ZMAT3: variants seen among roughly 807,000 people sequenced by gnomAD.
ZMAT3 encodes zinc finger matrin-type protein 3.
A neutral mutation model predicts 32.3 loss-of-function variants in ZMAT3; 17 were observed. The ratio of observed to expected loss-of-function variants is 0.53; its 90% confidence interval spans 0.36 to 0.79. The LOEUF (loss-of-function observed/expected upper bound fraction) is 0.79, where lower values mean the gene tolerates loss of function less well. Ranked by LOEUF, ZMAT3 falls within the 30% of genes least tolerant of loss-of-function variation. The pLI is 0.00. For missense variants in ZMAT3, 329 were observed against 359.7 expected (o/e 0.91, Z 0.69); for synonymous variants, 120 against 133.1 (o/e 0.90, Z 0.68).
intron 5 of ZMAT3, among the ~76,000 whole-genome samples, chr3:179,026,378 G>GTT (rs1303817106): frequency 8.9e-6 from 1 of 112,764 alleles, no homozygotes. Context: ...AATGAATTGT[G>GTT]CTTTTTTTTT....
intron 2 of ZMAT3, among the ~76,000 whole-genome samples, chr3:179,065,703 G>A (rs1235225875): frequency 3.9e-5 from 6 of 152,050 alleles, no homozygotes; most frequent in Admixed American, 2.0e-4. Context: ...AGCGCTTTGG[G>A]AGGCTGAATC....
At chr3:179,053,813 A>G (rs900550219) in intron 2 of ZMAT3, among the ~76,000 whole-genome samples, 3 of 152,236 alleles carry the variant, frequency 2.0e-5, no homozygotes, top group Admixed American at 1.3e-4. Flanking sequence ...GCAAGATGAT[A>G]AAAAGCAAAG....
chr3:179,040,547 C>A (rs1719861366), intron 2 of ZMAT3, among the ~76,000 whole-genome samples: 1 of 151,712 alleles, frequency 6.6e-6, no homozygotes, highest in African/African-American at 2.4e-5. Context: ...GATTTTGTCA[C>A]CACCAGGCCT....
Position 179,030,990 on chromosome 3 carries a change from G to C in ZMAT3, c.280C>G (p.His94Asp), listed in dbSNP as rs1356483004. 1 of 1,612,896 alleles carries C rather than the reference G, an allele frequency of 6.2e-7. No individual in the cohort carries two copies. Among genetic ancestry groups the C allele is most frequent in the African/African-American group, 1.3e-5 (1 of 74,842 alleles). Residue 94 changes from histidine (H) to aspartate (D), a missense_variant, in exon 3 of 6, where the codon CAT (histidine) becomes GAT (aspartate). By Grantham distance (81) the His-to-Asp change is moderately conservative (BLOSUM62 -1). Coordinates refer to ENST00000311417, the MANE Select transcript of ZMAT3 (RefSeq NM_022470.4). ...TAGTAATTTCGGAGTTTCTTACCAT[G>C]ATTTTTACCCTAGAAATAAAAATAA... The part of the protein sequence containing the change: ...QAQAHYQGKN[H>D]GKKLRNYYAA...
intron 1 of ZMAT3, 65 bp from the exon 2 acceptor site, chr3:179,067,874 A>G (rs1721504251): frequency 1.4e-6 from 2 of 1,400,932 alleles, no homozygotes; most frequent in African/African-American, 2.9e-5. Context: ...GCAAGATAAC[A>G]TGTAAATGAC....
intron 2 of ZMAT3, among the ~76,000 whole-genome samples, chr3:179,047,859 A>G (rs1288676169): frequency 2.0e-5 from 3 of 149,522 alleles, no homozygotes; most frequent in Non-Finnish European, 3.0e-5. Context: ...ACTCAGTCTC[A>G]AAAAAAAAAG....
intron 2 of ZMAT3, among the ~76,000 whole-genome samples, chr3:179,032,126 C>T (rs1719275132): frequency 1.3e-5 from 2 of 149,062 alleles, no homozygotes; most frequent in Admixed American, 6.7e-5. Flanking sequence ...CCTCAGCCTG[C>T]CGAGTGCCTG....
At chr3:179,051,100 C>T (rs1215953884) in intron 2 of ZMAT3, among the ~76,000 whole-genome samples, 1 of 152,122 alleles carries the variant, frequency 6.6e-6, no homozygotes, top group African/African-American at 2.4e-5. Flanking sequence ...CCACTTTCAC[C>T]ACTTCTATTC....
rs1721731188 is a variant in ZMAT3, at chr3:179,071,666, C to CGCCCGGCTCG, written c.-139_-130dup. The stretch of plus-strand genomic sequence containing the variant: ...GGACGCCCGCGACGCCCGCCCTGCG[C>CGCCCGGCTCG]GCCCGGCTCGGCCCAGCTCGACCCA... On this transcript the variant is annotated 5_prime_UTR_variant, in exon 1 of 6. Coordinates refer to ENST00000311417, the MANE Select transcript of ZMAT3 (RefSeq NM_022470.4). The CGCCCGGCTCG allele has an allele frequency of 6.6e-6, 1 of 152,232 alleles. No homozygotes were observed. Among genetic ancestry groups the CGCCCGGCTCG allele is most frequent in the Admixed American group, 6.5e-5 (1 of 15,274 alleles). The allele number at this position is 152,232 out of a possible 1,614,324, so 9.4% of individuals were successfully genotyped here. A position where few individuals can be genotyped will look rare whatever the true frequency, so the allele number is the denominator to read the frequency against.
chr3:179,060,204 A>G (rs1261272890), intron 2 of ZMAT3, among the ~76,000 whole-genome samples: 1 of 147,916 alleles, frequency 6.8e-6, no homozygotes, highest in Non-Finnish European at 1.5e-5. Context: ...GTCTCAAATT[A>G]AAACAAAAAA....
intron 5 of ZMAT3, among the ~76,000 whole-genome samples, chr3:179,026,403 T>TTTTTTG (rs1718873050): frequency 7.0e-6 from 1 of 143,826 alleles, no homozygotes; most frequent in African/African-American, 2.6e-5. Context: ...TTTTTTTTTT[T>TTTTTTG]TGAGACAGAG....
At chr3:179,066,210 C>T (rs187478579) in intron 2 of ZMAT3, among the ~76,000 whole-genome samples, 230 of 152,056 alleles carry the variant, frequency 1.5e-3, no homozygotes, top group Non-Finnish European at 2.7e-3. Context: ...GATGAGAGTA[C>T]GTACTGGGGA....
At chr3:179,071,348 T>A (rs1721701276) in intron 1 of ZMAT3, 2 of 152,156 alleles carry the variant, frequency 1.3e-5, no homozygotes, top group African/African-American at 4.8e-5. Flanking sequence ...ATGGATGCCA[T>A]CACGAAGGAT....
intron 2 of ZMAT3, among the ~76,000 whole-genome samples, chr3:179,061,030 T>G (rs1721127467): frequency 6.9e-6 from 1 of 145,196 alleles, no homozygotes; most frequent in African/African-American, 2.6e-5. Flanking sequence ...CTCAAAAAAA[T>G]TATTTCCCAT....
intron 2 of ZMAT3, among the ~76,000 whole-genome samples, chr3:179,061,896 A>C (rs1217005045): frequency 1.3e-5 from 2 of 152,170 alleles, no homozygotes; most frequent in African/African-American, 2.4e-5. Flanking sequence ...TGGAAAACTT[A>C]ATTTGATGAC....
chr3:179,053,261 T>G (rs1720664874), intron 2 of ZMAT3, among the ~76,000 whole-genome samples: 1 of 150,350 alleles, frequency 6.7e-6, no homozygotes, highest in Non-Finnish European at 1.5e-5. Flanking sequence ...ATATCTATAT[T>G]CTATATAGAG....
chr3:179,031,357 A>T (rs933067866), intron 2 of ZMAT3, among the ~76,000 whole-genome samples: 3 of 152,058 alleles, frequency 2.0e-5, no homozygotes, highest in African/African-American at 7.2e-5. Flanking sequence ...ACCATGAGAA[A>T]GTGTGTCAAA....
rs534316147 is a variant in ZMAT3 at position 179,059,222 on chromosome 3, G to A, written c.270+8261C>T. On this transcript the variant is annotated intron_variant, in intron 2 of 5. Transcript: ENST00000311417. Reference sequence around the variant, plus strand: ...TGCTTATAGAAGGACCCCTAGTATGGGGTAATCCCCTCCAGGAAACCAAGC... The same window carrying A: ...TGCTTATAGAAGGACCCCTAGTATGAGGTAATCCCCTCCAGGAAACCAAGC... 3.1e-3 allele frequency among the ~76,000 whole-genome samples: 472 copies of A among 152,164 alleles called. 7 individuals carry two copies. The highest frequency in any genetic ancestry group is 0.014 in the Middle Eastern group (4 of 294).
intron 2 of ZMAT3, among the ~76,000 whole-genome samples, chr3:179,055,637 T>C (rs193157043): frequency 5.1e-4 from 77 of 152,014 alleles, no homozygotes; most frequent in Middle Eastern, 3.4e-3. Context: ...CCAGCCAGAG[T>C]GCCTGTACCT....
Sources: gnomAD v4.1 joint callset for allele counts (sites outside exome capture counted in the v4.1 genomes callset) on GRCh38, gnomAD v4.1.1 for gene constraint, MANE v1.5 for transcripts, NCBI Gene and HGNC (gene_info 2026-07-23, HGNC 2026-07-21) for gene names.